RASGRP3: variants seen among roughly 807,000 people sequenced by gnomAD.
RASGRP3 encodes RAS guanyl releasing protein 3.
In RASGRP3, 54 loss-of-function variants were observed where a neutral mutation model predicts 82.7. The ratio of observed to expected loss-of-function variants is 0.65; its 90% CI spans 0.52 to 0.82. The LOEUF is 0.82. RASGRP3 is among the 40% of genes least tolerant of loss of function. The probability of loss-of-function intolerance (pLI) is 0.00; values close to 1 mark genes in which losing one functional copy is unlikely to be tolerated. For synonymous variants in RASGRP3, 309 were observed against 300.5 expected (o/e 1.03, Z -0.29); for missense variants, 861 against 828.9 (o/e 1.04, Z -0.48).
rs1673394510 is a variant in RASGRP3, at chr2:33,534,355, T to C, written c.1116T>C (p.Asp372=). The change falls in exon 11 of 18, where the codon GAT becomes GAC. Residue 372 remains aspartate, a synonymous_variant. Transcript: ENST00000403687. The part of the protein sequence containing the change: ...LSLDLYHTED[D]IYKLSLVLEP... ...TGGACCTCTATCACACTGAAGATGA[T>C]ATTTACAAACTGTCACTGGTGCTGG... 1.3e-6 allele frequency: 2 copies of C among 1,581,926 alleles called. No individual in the cohort carries two copies. The highest frequency in any genetic ancestry group is 4.5e-5 in the East Asian group (2 of 44,726).
At chr2:33,437,807 C>G (rs1405663923) in intron 1 of RASGRP3, among the ~76,000 whole-genome samples, 1 of 151,616 alleles carries the variant, frequency 6.6e-6, no homozygotes, top group Non-Finnish European at 1.5e-5. Flanking sequence ...ATCATGATTT[C>G]TTAGCTGAAC....
intron 2 of RASGRP3, among the ~76,000 whole-genome samples, chr2:33,466,822 G>C (rs1666723672): frequency 6.6e-6 from 1 of 152,154 alleles, no homozygotes; most frequent in Non-Finnish European, 1.5e-5. Context: ...AATTAGAAGA[G>C]GATGAGCAAG....
At chr2:33,465,429 G>C (rs867665898) in intron 2 of RASGRP3, among the ~76,000 whole-genome samples, 1 of 152,206 alleles carries the variant, frequency 6.6e-6, no homozygotes, top group South Asian at 2.1e-4. Flanking sequence ...AGGCCGAAGA[G>C]GGAGGATCGC....
chr2:33,518,879 G>GATC (rs1368268609), intron 4 of RASGRP3, among the ~76,000 whole-genome samples: 1 of 103,374 alleles, frequency 9.7e-6, no homozygotes, highest in East Asian at 2.3e-4. Context: ...GCATGGAGCT[G>GATC]GTCATCTCCT....
chr2:33,461,459 G>A (rs1347213008), intron 2 of RASGRP3, among the ~76,000 whole-genome samples: 1 of 152,164 alleles, frequency 6.6e-6, no homozygotes, highest in Admixed American at 6.5e-5. Flanking sequence ...TGTATTTTTA[G>A]TAGAGGCGGG....
chr2:33,558,799 C>T lies in RASGRP3; in HGVS notation c.1833C>T (p.Ser611=). The T allele has an allele frequency of 6.2e-7, 1 of 1,614,026 alleles. No homozygotes were observed. The highest frequency in any genetic ancestry group is 8.5e-7 in the Non-Finnish European group (1 of 1,179,902). ...ISVRLQRATT[S]QATQTEPVWS... ...TGAGGCTACAGAGGGCCACCACCAGCCAGGCCACCCAGACTGAACCTGTCT... is the reference window on the plus strand; with the variant it reads ...TGAGGCTACAGAGGGCCACCACCAGTCAGGCCACCCAGACTGAACCTGTCT... The change falls in exon 17 of 18, where the codon AGC becomes AGT. Residue 611 remains serine (S), a synonymous_variant. Transcript: ENST00000403687.
chr2:33,534,267 G>A (rs181220802), intron 10 of RASGRP3, 56 bp from the exon 11 acceptor site: 24 of 1,237,748 alleles, frequency 1.9e-5, no homozygotes, highest in South Asian at 1.8e-4. Context: ...ATTCAGCAAC[G>A]TAAATAAATA....
In RASGRP3 at chr2:33,447,615, G is replaced by A. The variant is rs76704645; in HGVS notation, c.-384-205G>A. ...CATGCCTGGCTAATTTTTTGTGTTA[G>A]TAGAGACGAGGTTTCACCATATTGG... On this transcript the variant is annotated intron_variant, in intron 1 of 18. Coordinates refer to the RASGRP3 transcript ENST00000402538. Among the ~76,000 whole-genome samples, 1,374 of 152,058 alleles carry A rather than the reference G, an allele frequency of 9.0e-3. 21 individuals carry two copies. Among genetic ancestry groups the A allele is most frequent in the African/African-American group, 0.031 (1,303 of 41,476 alleles).
intron 1 of RASGRP3, among the ~76,000 whole-genome samples, chr2:33,485,142 G>A (rs1668263487): frequency 6.6e-6 from 1 of 152,214 alleles, no homozygotes; most frequent in African/African-American, 2.4e-5. Context: ...AGGTTGCGAT[G>A]AGCCTAGATT....
At chr2:33,443,926 T>C (rs1203306099) in intron 1 of RASGRP3, among the ~76,000 whole-genome samples, 1 of 152,066 alleles carries the variant, frequency 6.6e-6, no homozygotes, top group African/African-American at 2.4e-5. Context: ...GAGCCACTAA[T>C]GTGACCTACA....
At chr2:33,518,259 G>A (rs1040843456) in intron 4 of RASGRP3, among the ~76,000 whole-genome samples, 2 of 152,224 alleles carry the variant, frequency 1.3e-5, no homozygotes, top group Admixed American at 6.5e-5. Flanking sequence ...TGTACAGCAT[G>A]TCGCTGTACT....
chr2:33,540,467 T>C lies in RASGRP3; in HGVS notation c.1278+1257T>C, dbSNP rs566687582. On this transcript the variant is annotated intron_variant, in intron 12 of 17. Transcript: ENST00000403687. The stretch of plus-strand genomic sequence containing the variant: ...GAAGCCAGGAAATAGAAGGCAGAGC[T>C]GTTCCCTCTCCCAGTCTCATTCTAC... Among the ~76,000 whole-genome samples the C allele has an allele frequency of 4.5e-4, 65 of 145,812 alleles. 1 individual carries two copies. Among genetic ancestry groups the C allele is most frequent in the African/African-American group, 1.5e-3 (62 of 41,044 alleles).
chr2:33,560,335 A>G (rs1676508695), intron 17 of RASGRP3, among the ~76,000 whole-genome samples: 1 of 152,184 alleles, frequency 6.6e-6, no homozygotes. Flanking sequence ...CAACTGTATC[A>G]GTCCTATCCC....
intron 4 of RASGRP3, among the ~76,000 whole-genome samples, chr2:33,519,205 C>G (rs1417221519): frequency 6.6e-6 from 1 of 152,088 alleles, no homozygotes; most frequent in Middle Eastern, 3.2e-3. Flanking sequence ...TTTTTCAATC[C>G]CACTATAATC....
At chr2:33,560,538 C>A (rs536398919) in intron 17 of RASGRP3, among the ~76,000 whole-genome samples, 22 of 152,288 alleles carry the variant, frequency 1.4e-4, no homozygotes, top group African/African-American at 4.3e-4. Flanking sequence ...GGAGTCCATG[C>A]ATTAAACAAA....
intron 10 of RASGRP3, chr2:33,532,970 C>T (rs2151051438): frequency 6.6e-6 from 1 of 152,276 alleles, no homozygotes; most frequent in East Asian, 1.9e-4. Flanking sequence ...ACATCTTCGC[C>T]TCTGAGTTTT....
chr2:33,490,029 C>A (rs1668717585), intron 1 of RASGRP3, among the ~76,000 whole-genome samples: 1 of 152,202 alleles, frequency 6.6e-6, no homozygotes, highest in Non-Finnish European at 1.5e-5. Context: ...GACTGTATAT[C>A]TCTATGATTT....
intron 1 of RASGRP3, among the ~76,000 whole-genome samples, chr2:33,502,115 TTTTG>T (rs1224874028): frequency 6.6e-6 from 1 of 152,082 alleles, no homozygotes; most frequent in Non-Finnish European, 1.5e-5. Context: ...GGTTGCTAAA[TTTTG>T]TTTGTTTGTT....
At chr2:33,506,395 T>C (rs1246892302) in intron 1 of RASGRP3, among the ~76,000 whole-genome samples, 1 of 152,242 alleles carries the variant, frequency 6.6e-6, no homozygotes, top group Non-Finnish European at 1.5e-5. Context: ...GTAATTTAAC[T>C]TCTTTAGGCC....
Sources: allele counts gnomAD v4.1 joint callset (sites outside exome capture counted in the v4.1 genomes callset), GRCh38; gene constraint gnomAD v4.1.1; transcripts MANE v1.5; gene names NCBI Gene and HGNC (gene_info 2026-07-23, HGNC 2026-07-21).